Variants in CCBE1 observed in about 807,000 individuals in gnomAD.
The protein encoded by CCBE1 is collagen and calcium-binding EGF domain-containing protein 1.
In CCBE1, 37 loss-of-function variants were observed where a neutral mutation model predicts 50.0. The observed-to-expected ratio is 0.74, with a 90% CI of 0.57 to 0.97. The LOEUF is 0.97. Ranked by LOEUF, CCBE1 falls within the 50% of genes least tolerant of loss-of-function variation. The pLI, the probability that CCBE1 is intolerant of heterozygous loss-of-function variation, is 0.00. For synonymous variants in CCBE1, 234 were observed against 203.7 expected, an observed-to-expected ratio of 1.15 and a Z score of -1.27; for missense variants, 538 against 523.8, an observed-to-expected ratio of 1.03 and a Z score of -0.26.
At chr18:59,575,346 C>T (rs964921704) in intron 2 of CCBE1, among the ~76,000 whole-genome samples, 1 of 152,124 alleles carries the variant, frequency 6.6e-6, no homozygotes, top group Non-Finnish European at 1.5e-5. Context: ...GTGTGGATCA[C>T]AGGGCAAAAG....
At chr18:59,571,589 C>A (rs1400920649) in intron 2 of CCBE1, among the ~76,000 whole-genome samples, 1 of 152,004 alleles carries the variant, frequency 6.6e-6, no homozygotes, top group Non-Finnish European at 1.5e-5. Flanking sequence ...CAAACCTGCA[C>A]GTTGTGCGCA....
chr18:59,620,216 T>C (rs1312177067), intron 2 of CCBE1, among the ~76,000 whole-genome samples: 1 of 152,178 alleles, frequency 6.6e-6, no homozygotes, highest in Non-Finnish European at 1.5e-5. Context: ...TCCCTTCACC[T>C]CTGACCTCAG....
chr18:59,613,076 G>A (rs997982033), intron 2 of CCBE1, among the ~76,000 whole-genome samples: 1 of 152,038 alleles, frequency 6.6e-6, no homozygotes, highest in Non-Finnish European at 1.5e-5. Flanking sequence ...GGGGCTTGAG[G>A]TGGGGAGTGG....
Position 59,617,094 on chromosome 18 carries a change from A to G in CCBE1, c.212+79535T>C, listed in dbSNP as rs12605251. Reference sequence around the variant, plus strand: ...ACATAGCTTCCCAGGTTATTCAGATAAACAGCCAAAGTAGGAAACCTCTGA... The same window carrying G: ...ACATAGCTTCCCAGGTTATTCAGATGAACAGCCAAAGTAGGAAACCTCTGA... On this transcript the variant is annotated intron_variant, in intron 2 of 10. Transcript: ENST00000439986. Among the ~76,000 whole-genome samples the G allele has an allele frequency of 3.2e-3, 480 of 152,348 alleles. 11 individuals carry two copies. In the East Asian group the frequency reaches 0.038, roughly 12 times the overall value.
At chr18:59,630,844 C>T (rs1206001182) in intron 2 of CCBE1, among the ~76,000 whole-genome samples, 1 of 152,174 alleles carries the variant, frequency 6.6e-6, no homozygotes, top group South Asian at 2.1e-4. Context: ...CACTGGCCTC[C>T]CTACCTAACA....
intron 2 of CCBE1, among the ~76,000 whole-genome samples, chr18:59,633,491 C>T (rs1179981501): frequency 1.3e-5 from 2 of 152,212 alleles, no homozygotes; most frequent in African/African-American, 2.4e-5. Context: ...CTTGCTATTG[C>T]GCTCGGGCCC....
intron 2 of CCBE1, among the ~76,000 whole-genome samples, chr18:59,594,135 G>T (rs1039712192): frequency 1.1e-4 from 16 of 152,160 alleles, no homozygotes; most frequent in African/African-American, 3.9e-4. Flanking sequence ...CCATCTTGGG[G>T]CCCCCAAAAC....
rs553025968 is a variant in CCBE1, at chr18:59,520,745, A to G, written c.213-40507T>C. ...TCTGAACCATGTATATCCAATTTCC[A>G]TAATGATTTTGAGTTGAGCTGAATT... On this transcript the variant is annotated intron_variant, in intron 2 of 10. Coordinates refer to ENST00000439986, the MANE Select transcript of CCBE1 (RefSeq NM_133459.4). 1.6e-4 allele frequency among the ~76,000 whole-genome samples: 24 copies of G among 152,352 alleles called. No homozygotes were observed. In the South Asian group the frequency reaches 5.0e-3, roughly 32 times the overall value.
At chr18:59,472,678 C>T (rs979021142) in intron 3 of CCBE1, among the ~76,000 whole-genome samples, 3 of 152,204 alleles carry the variant, frequency 2.0e-5, no homozygotes, top group Admixed American at 6.5e-5. Flanking sequence ...CACCATGAAC[C>T]TAGGGATGCC....
At chr18:59,483,341 A>G (rs1432244050) in intron 2 of CCBE1, among the ~76,000 whole-genome samples, 2 of 152,356 alleles carry the variant, frequency 1.3e-5, no homozygotes, top group Admixed American at 1.3e-4. Flanking sequence ...ACTTGGGACT[A>G]GAAGTGTTCG....
At chr18:59,522,993 C>CA (rs57217059) in intron 2 of CCBE1, among the ~76,000 whole-genome samples, 13,647 of 89,026 alleles carry the variant, frequency 0.15, 2,417 homozygotes, top group African/African-American at 0.35. Context: ...GACTCTGTTT[C>CA]AAAAAAAAAA....
intron 2 of CCBE1, among the ~76,000 whole-genome samples, chr18:59,501,501 G>A (rs1208844344): frequency 6.6e-6 from 1 of 152,108 alleles, no homozygotes; most frequent in Admixed American, 6.5e-5. Context: ...ACGTCTTCAA[G>A]TCTTTATCTG....
intron 2 of CCBE1, among the ~76,000 whole-genome samples, chr18:59,675,240 T>C (rs73961290): frequency 0.012 from 1,819 of 152,326 alleles, 30 homozygotes; most frequent in African/African-American, 0.042. Flanking sequence ...TCTCTAGTAA[T>C]GTGCATTATG....
chr18:59,677,374 G>A (rs1444121071), intron 2 of CCBE1, among the ~76,000 whole-genome samples: 1 of 152,170 alleles, frequency 6.6e-6, no homozygotes, highest in Non-Finnish European at 1.5e-5. Flanking sequence ...GCTGTGAGTG[G>A]GGGCTGGTCG....
intron 2 of CCBE1, among the ~76,000 whole-genome samples, chr18:59,690,339 G>C (rs2054713541): frequency 6.6e-6 from 1 of 152,166 alleles, no homozygotes; most frequent in Admixed American, 6.5e-5. Flanking sequence ...TGTTATAGCT[G>C]TTTACTTTTT....
chr18:59,460,576 G>A (rs553522169), intron 5 of CCBE1, among the ~76,000 whole-genome samples: 1 of 152,256 alleles, frequency 6.6e-6, no homozygotes, highest in South Asian at 2.1e-4. Flanking sequence ...TAGATATTTT[G>A]AGGAAAGTCC....
chr18:59,469,694 G>C, intron 3 of CCBE1, 87 bp from the exon 4 acceptor site: 1 of 1,574,828 alleles, frequency 6.3e-7, no homozygotes, highest in Non-Finnish European at 8.7e-7. Context: ...TCTGGGCTGG[G>C]CTCTGCTCAA....
At position 59,436,045 on chromosome 18, in the gene CCBE1, G is replaced by C. The variant is rs1910139427; in HGVS notation, c.1084C>G (p.His362Asp). The change falls in exon 11 of 11, where the codon CAC (histidine) becomes GAC (aspartate). Residue 362 changes from histidine to aspartate, a missense_variant. By Grantham distance (81) the His-to-Asp change is moderately conservative. Transcript: ENST00000439986. ...AAAGGGAACTCCTCTGCTGAAGAGTGAGTCCGGTGCCCGAACACCTTTTCC... is the reference window on the plus strand; with the variant it reads ...AAAGGGAACTCCTCTGCTGAAGAGTCAGTCCGGTGCCCGAACACCTTTTCC... ...LQEKVFGHRTHSSAEEFPLPQ... is the reference protein window; with the variant it reads ...LQEKVFGHRTDSSAEEFPLPQ... 6.2e-7 allele frequency: 1 copy of C among 1,614,208 alleles called. No homozygotes were observed. Among genetic ancestry groups the C allele is most frequent in the African/African-American group, 1.3e-5 (1 of 75,046 alleles).
At chr18:59,630,843 C>A (rs1466089694) in intron 2 of CCBE1, among the ~76,000 whole-genome samples, 1 of 152,198 alleles carries the variant, frequency 6.6e-6, no homozygotes, top group Non-Finnish European at 1.5e-5. Flanking sequence ...TCACTGGCCT[C>A]CCTACCTAAC....
Sources: gnomAD v4.1 joint callset for allele counts (sites outside exome capture counted in the v4.1 genomes callset) on GRCh38, gnomAD v4.1.1 for gene constraint, MANE v1.5 for transcripts, NCBI Gene and HGNC (gene_info 2026-07-23, HGNC 2026-07-21) for gene names.